Variants in SOX5 observed in about 807,000 individuals in gnomAD.
SOX5 encodes transcription factor SOX-5.
Under a neutral mutation model 92.0 loss-of-function variants are expected in SOX5, and 9 were observed. That is an observed-to-expected ratio of 0.10 (90% CI 0.06 to 0.17). The LOEUF is 0.17. SOX5 is among the 10% of genes least tolerant of loss of function. The pLI, the probability that SOX5 is intolerant of heterozygous loss-of-function variation, is 1.00. For synonymous variants in SOX5, 344 were observed against 336.3 expected (o/e 1.02, Z -0.25); for missense variants, 642 against 944.5 (o/e 0.68, Z 4.20).
At chr12:23,860,952 T>TAAAAAAAAAAAAA (rs71059935) in intron 2 of SOX5, among the ~76,000 whole-genome samples, 609 of 44,790 alleles carry the variant, frequency 0.014, 4 homozygotes, top group Non-Finnish European at 0.018. Context: ...GTATATTTTG[T>TAAAAAAAAAAAAA]AAAAAAAAAA....
Position 23,694,166 on chromosome 12 carries a change from C to A in SOX5, c.811-28602G>T, listed in dbSNP as rs1187016806. The stretch of plus-strand genomic sequence containing the variant: ...TTATAAATGATTTGCCTTTTCATGA[C>A]TGTTTTTAAGATCATGTCCTTTGGT... On this transcript the variant is annotated intron_variant, in intron 6 of 14. Coordinates refer to ENST00000451604, the MANE Select transcript of SOX5 (RefSeq NM_006940.6). Among the ~76,000 whole-genome samples, 3 of 152,172 alleles carry A rather than the reference C, an allele frequency of 2.0e-5. No individual in the cohort carries two copies. In the East Asian group the frequency reaches 5.8e-4, roughly 29 times the overall value.
At chr12:24,056,043 T>A (rs754452134) in intron 4 of SOX5, among the ~76,000 whole-genome samples, 2 of 152,164 alleles carry the variant, frequency 1.3e-5, no homozygotes, top group African/African-American at 2.4e-5. Context: ...GTGCCACACC[T>A]TTTTTAAACA....
At chr12:24,333,042 CA>C (rs1374227788) in intron 2 of SOX5, among the ~76,000 whole-genome samples, 1 of 151,694 alleles carries the variant, frequency 6.6e-6, no homozygotes, top group Non-Finnish European at 1.5e-5. Flanking sequence ...ACAAAAACAT[CA>C]AAACGCGACA....
At chr12:24,028,198 C>G (rs1498870) in intron 4 of SOX5, among the ~76,000 whole-genome samples, 33,974 of 151,750 alleles carry the variant, frequency 0.22, 5,080 homozygotes, top group African/African-American at 0.43. Context: ...TGTAATTACA[C>G]CATGTACTTA....
chr12:23,778,743 A>T (rs1440005204), intron 3 of SOX5, among the ~76,000 whole-genome samples: 1 of 152,148 alleles, frequency 6.6e-6, no homozygotes, highest in Non-Finnish European at 1.5e-5. Context: ...TTTTACCTAG[A>T]GCTCTGGATA....
chr12:24,004,021 G>T (rs1360388679), intron 4 of SOX5, among the ~76,000 whole-genome samples: 1 of 151,872 alleles, frequency 6.6e-6, no homozygotes, highest in African/African-American at 2.4e-5. Flanking sequence ...ATTTATTTTT[G>T]CACTAAGGTG....
chr12:23,739,546 A>G (rs2093721933), intron 5 of SOX5, among the ~76,000 whole-genome samples: 1 of 152,076 alleles, frequency 6.6e-6, no homozygotes, highest in East Asian at 1.9e-4. Context: ...TTCCTATGAC[A>G]TTGCACTCCT....
chr12:23,859,815 A>T (rs1454382530), intron 2 of SOX5, among the ~76,000 whole-genome samples: 2 of 152,128 alleles, frequency 1.3e-5, no homozygotes, highest in Non-Finnish European at 2.9e-5. Flanking sequence ...GCCGACACTT[A>T]GGGAAAATAG....
intron 1 of SOX5, among the ~76,000 whole-genome samples, chr12:24,548,496 T>C (rs1202321919): frequency 6.6e-6 from 1 of 152,202 alleles, no homozygotes; most frequent in Non-Finnish European, 1.5e-5. Context: ...TATGTATATG[T>C]AGACACGAGG....
At chr12:24,234,215 T>C (rs913596026) in intron 3 of SOX5, among the ~76,000 whole-genome samples, 1 of 152,198 alleles carries the variant, frequency 6.6e-6, no homozygotes, top group Non-Finnish European at 1.5e-5. Flanking sequence ...TTTTGCAAAA[T>C]CATATTCGAT....
chr12:24,213,955 T>G (rs1958945635), intron 3 of SOX5, among the ~76,000 whole-genome samples: 1 of 151,620 alleles, frequency 6.6e-6, no homozygotes, highest in Non-Finnish European at 1.5e-5. Context: ...TTAAAATATA[T>G]ATATATATAA....
chr12:23,810,272 T>C (rs2095854492), intron 3 of SOX5, among the ~76,000 whole-genome samples: 1 of 152,188 alleles, frequency 6.6e-6, no homozygotes, highest in Admixed American at 6.5e-5. Flanking sequence ...GCACACGGTT[T>C]ATTTATATAT....
At position 24,074,630 on chromosome 12, in the gene SOX5, C is replaced by CAAAAAAAAAAAAAAAAAAAAAAAA. The variant is rs76320418; in HGVS notation, c.-2+138712_-2+138713insTTTTTTTTTTTTTTTTTTTTTTTT. On this transcript the variant is annotated intron_variant, in intron 4 of 4. Coordinates refer to the SOX5 transcript ENST00000446891. The stretch of plus-strand genomic sequence containing the variant: ...CTTAGTGTTTATTTCTGTAAACTAC[C>CAAAAAAAAAAAAAAAAAAAAAAAA]AAAAAAAAAAAAAAAAAAAAAAAGC... Among the ~76,000 whole-genome samples the CAAAAAAAAAAAAAAAAAAAAAAAA allele has an allele frequency of 3.9e-5, 2 of 51,272 alleles. 1 individual carries two copies. Among genetic ancestry groups the CAAAAAAAAAAAAAAAAAAAAAAAA allele is most frequent in the Non-Finnish European group, 7.0e-5 (2 of 28,718 alleles). 33.6% of individuals were successfully genotyped at this position (51,272 alleles called of 152,430 possible). A position where few individuals can be genotyped will look rare whatever the true frequency, so the allele number is the denominator to read the frequency against.
intron 2 of SOX5, among the ~76,000 whole-genome samples, chr12:24,339,827 A>G (rs11047379): frequency 0.27 from 40,643 of 152,176 alleles, 6,881 homozygotes; most frequent in Non-Finnish European, 0.39. Context: ...TTCCCCAGCT[A>G]TAAGGAAAGT....
chr12:23,730,393 A>C (rs1261572154), intron 6 of SOX5, among the ~76,000 whole-genome samples: 1 of 152,214 alleles, frequency 6.6e-6, no homozygotes, highest in Non-Finnish European at 1.5e-5. Context: ...TGAACAGTAG[A>C]AAAATAAGAC....
intron 2 of SOX5, among the ~76,000 whole-genome samples, chr12:24,360,752 G>A (rs1455292107): frequency 4.6e-5 from 7 of 152,110 alleles, no homozygotes; most frequent in Non-Finnish European, 2.9e-5. Context: ...TCCCTGGGTC[G>A]CAAGATCCAG....
chr12:23,705,094 G>A (rs1166385534), intron 6 of SOX5, among the ~76,000 whole-genome samples: 2 of 151,864 alleles, frequency 1.3e-5, no homozygotes, highest in Admixed American at 1.3e-4. Context: ...TACACTATAA[G>A]ATAAAGTATG....
chr12:23,767,168 C>G (rs1302120997), intron 3 of SOX5, among the ~76,000 whole-genome samples: 1 of 151,808 alleles, frequency 6.6e-6, no homozygotes, highest in Non-Finnish European at 1.5e-5. Context: ...GATTGTGCCA[C>G]TGCACTCCAG....
At chr12:23,899,409 G>GAAAAAAAAAAAAAAAAAAAAAAA (rs754805392) in intron 1 of SOX5, among the ~76,000 whole-genome samples, 2 of 120,036 alleles carry the variant, frequency 1.7e-5, no homozygotes, top group Non-Finnish European at 3.8e-5. Context: ...TGAAAAAAAA[G>GAAAAAAAAAAAAAAAAAAAAAAA]AAAAAAAAAA....
Sources: gnomAD v4.1 joint callset for allele counts (sites outside exome capture counted in the v4.1 genomes callset) on GRCh38, gnomAD v4.1.1 for gene constraint, MANE v1.5 for transcripts, NCBI Gene and HGNC (gene_info 2026-07-23, HGNC 2026-07-21) for gene names.